Variants in NTN4 observed in about 807,000 individuals in gnomAD.
The protein encoded by NTN4 is netrin 4.
A neutral mutation model predicts 73.6 loss-of-function variants in NTN4; 32 were observed. That is an observed-to-expected ratio of 0.44 (90% CI 0.33 to 0.58). NTN4 has a LOEUF of 0.58. Among genes scored for constraint, NTN4 ranks in the 20% least tolerant of loss-of-function variants. The pLI is 0.04. For missense variants in NTN4, 654 were observed against 798.3 expected, an observed-to-expected ratio of 0.82 and a Z score of 2.18; for synonymous variants, 258 against 287.5, an observed-to-expected ratio of 0.90 and a Z score of 1.04.
intron 7 of NTN4, among the ~76,000 whole-genome samples, chr12:95,677,935 C>T (rs1254138964): frequency 6.6e-6 from 1 of 152,096 alleles, no homozygotes; most frequent in Non-Finnish European, 1.5e-5. Flanking sequence ...TGGAGCCAAC[C>T]CAAATGACCA....
In NTN4 at chr12:95,670,495, T is replaced by C. The variant is rs1213261391; in HGVS notation, c.1511-349A>G. ...AAAACAATTGTCTTTCTGCAGTTAA[T>C]GTTCACCACCACAAAAGTGAAATTA... On this transcript the variant is annotated intron_variant, in intron 7 of 9. Transcript: ENST00000343702. The C allele has an allele frequency of 2.4e-5, 4 of 168,660 alleles. No homozygotes were observed. In the East Asian group the frequency reaches 6.5e-4, roughly 28 times the overall value. 10.4% of individuals were successfully genotyped at this position (168,660 alleles called of 1,614,324 possible).
At chr12:95,672,348 T>C in intron 7 of NTN4, 3 of 803,154 alleles carry the variant, frequency 3.7e-6, no homozygotes, top group South Asian at 2.7e-5. Flanking sequence ...GGAGAGTGCA[T>C]GGAACCTGGA....
intron 5 of NTN4, among the ~76,000 whole-genome samples, chr12:95,708,883 T>G (rs1024832880): frequency 6.6e-6 from 1 of 152,196 alleles, no homozygotes; most frequent in Non-Finnish European, 1.5e-5. Context: ...CAGCTGGCAA[T>G]TGGCAGTGAA....
intron 3 of NTN4, among the ~76,000 whole-genome samples, chr12:95,715,679 A>AT (rs973119549): frequency 4.6e-5 from 7 of 152,082 alleles, no homozygotes; most frequent in South Asian, 4.1e-4. Flanking sequence ...TAAAAATGAG[A>AT]TTTTTTTCAT....
At chr12:95,707,843 T>G (rs376223099) in intron 5 of NTN4, among the ~76,000 whole-genome samples, 1 of 152,192 alleles carries the variant, frequency 6.6e-6, no homozygotes, top group African/African-American at 2.4e-5. Flanking sequence ...ATGTTACCTG[T>G]TGCCCTACAA....
intron 8 of NTN4, among the ~76,000 whole-genome samples, 155 bp downstream of exon 8, chr12:95,669,923 A>G (rs1440337506): frequency 6.6e-6 from 1 of 152,232 alleles, no homozygotes; most frequent in East Asian, 1.9e-4. Flanking sequence ...ATCTAGCTCA[A>G]GACCAGAACA....
intron 2 of NTN4, among the ~76,000 whole-genome samples, chr12:95,753,367 A>G (rs1308315976): frequency 6.8e-6 from 1 of 147,174 alleles, no homozygotes. Flanking sequence ...ATTTGTCCCC[A>G]CCCAGGACTG....
intron 3 of NTN4, among the ~76,000 whole-genome samples, chr12:95,727,350 T>C (rs1279796735): frequency 6.6e-6 from 1 of 152,210 alleles, no homozygotes; most frequent in Non-Finnish European, 1.5e-5. Context: ...AATATATGAT[T>C]TGAAAGTATT....
At chr12:95,722,284 C>G (rs1218036510) in intron 3 of NTN4, among the ~76,000 whole-genome samples, 1 of 152,128 alleles carries the variant, frequency 6.6e-6, no homozygotes, top group Non-Finnish European at 1.5e-5. Flanking sequence ...TTGGCCTTTT[C>G]AAATAAATCA....
intron 3 of NTN4, among the ~76,000 whole-genome samples, chr12:95,718,089 T>C (rs902174603): frequency 1.2e-4 from 19 of 152,244 alleles, no homozygotes; most frequent in African/African-American, 4.3e-4. Flanking sequence ...TGGAACAGCA[T>C]GCTCGTTAAG....
chr12:95,752,939 G>A (rs765887957), intron 2 of NTN4, among the ~76,000 whole-genome samples: 4 of 152,044 alleles, frequency 2.6e-5, no homozygotes, highest in Non-Finnish European at 4.4e-5. Context: ...TATACTTTCT[G>A]CTCCCCGGCT....
chr12:95,662,235 C>CTTT (rs71087990), intron 9 of NTN4, among the ~76,000 whole-genome samples: 1,240 of 118,350 alleles, frequency 0.01, 32 homozygotes, highest in African/African-American at 0.033. Flanking sequence ...CTTTTTCTTT[C>CTTT]TTTTTTTTTT....
At chr12:95,772,427 C>CT (rs545115869) in intron 2 of NTN4, among the ~76,000 whole-genome samples, 2 of 152,140 alleles carry the variant, frequency 1.3e-5, no homozygotes, top group African/African-American at 2.4e-5. Context: ...AGAACTTTCT[C>CT]TTTTTTTAAT....
intron 5 of NTN4, among the ~76,000 whole-genome samples, chr12:95,702,604 C>T (rs559552645): frequency 2.6e-5 from 4 of 152,206 alleles, no homozygotes; most frequent in South Asian, 4.1e-4. Flanking sequence ...ACTCAATATA[C>T]GTCAGCAATT....
At chr12:95,763,921 T>C (rs1424173928) in intron 2 of NTN4, among the ~76,000 whole-genome samples, 1 of 152,180 alleles carries the variant, frequency 6.6e-6, no homozygotes, top group African/African-American at 2.4e-5. Context: ...CCACTTCTAA[T>C]CATGGTAAAA....
rs1393407977 is a variant in NTN4 at position 95,760,022 on chromosome 12, A to G, written c.586-21878T>C. Reference sequence around the variant, plus strand: ...CCTTGTAATTTATTAAACATTAGACATTGTGAATTTTATATTGTTGCTTGA... The same window carrying G: ...CCTTGTAATTTATTAAACATTAGACGTTGTGAATTTTATATTGTTGCTTGA... On this transcript the variant is annotated intron_variant, in intron 2 of 9. Coordinates refer to ENST00000343702, the MANE Select transcript of NTN4 (RefSeq NM_021229.4). 2.0e-5 allele frequency among the ~76,000 whole-genome samples: 3 copies of G among 152,176 alleles called. No homozygotes were observed. In the South Asian group the frequency reaches 6.2e-4, roughly 31 times the overall value.
chr12:95,761,210 G>A lies in NTN4; in HGVS notation c.586-23066C>T, dbSNP rs549316555. Among the ~76,000 whole-genome samples, 13 of 152,010 alleles carry A rather than the reference G, an allele frequency of 8.6e-5. No homozygotes were observed. The South Asian group carries it at 2.5e-3, about 29-fold the overall frequency. On this transcript the variant is annotated intron_variant, in intron 2 of 9. Transcript: ENST00000343702. The stretch of plus-strand genomic sequence containing the variant: ...TTCAACAGGATCAGAACAAAGCTAT[G>A]TATACTCTTCCATGCTTCAGTCAAT...
At position 95,789,518 on chromosome 12, in the gene NTN4, T is replaced by G. The variant is rs539862048; in HGVS notation, c.55+737A>C. Reference sequence around the variant, plus strand: ...AACCACGAGCCAGGAGCCGGTGGCCTAGGGCAGCCCAAGAAAGCCAGGATG... The same window carrying G: ...AACCACGAGCCAGGAGCCGGTGGCCGAGGGCAGCCCAAGAAAGCCAGGATG... On this transcript the variant is annotated intron_variant, in intron 1 of 9. Transcript: ENST00000343702. This position sits in a 1 kb window ranked among gnomAD's most constrained non-coding sequence, Gnocchi z 4.0. Among the ~76,000 whole-genome samples, 1 of 152,192 alleles carries G rather than the reference T, an allele frequency of 6.6e-6. No homozygotes were observed. Among genetic ancestry groups the G allele is most frequent in the Admixed American group, 6.5e-5 (1 of 15,294 alleles).
intron 4 of NTN4, among the ~76,000 whole-genome samples, chr12:95,712,034 A>G (rs2078568026): frequency 6.6e-6 from 1 of 152,240 alleles, no homozygotes; most frequent in Admixed American, 6.5e-5. Flanking sequence ...AACAAAAACA[A>G]ATCAGTTATG....
Sources: gnomAD v4.1 joint callset for allele counts (sites outside exome capture counted in the v4.1 genomes callset) on GRCh38, gnomAD v4.1.1 for gene constraint, Gnocchi (gnomAD v3.1) non-coding constraint, MANE v1.5 for transcripts, NCBI Gene and HGNC (gene_info 2026-07-23, HGNC 2026-07-21) for gene names.